Variants in GRIK3 observed in about 807,000 individuals in gnomAD.
GRIK3 encodes the protein glutamate ionotropic receptor kainate type subunit 3.
GRIK3 carries 29 observed loss-of-function variants against 102.5 expected under a neutral mutation model. The ratio of observed to expected loss-of-function variants is 0.28; its 90% CI spans 0.21 to 0.39. The LOEUF is 0.39. GRIK3 is among the 10% of genes least tolerant of loss of function. GRIK3 has a pLI of 1.00. For missense variants in GRIK3, 908 were observed against 1,252.4 expected (o/e 0.73, Z 4.15); for synonymous variants, 511 against 504.9 (o/e 1.01, Z -0.16).
intron 1 of GRIK3, among the ~76,000 whole-genome samples, chr1:36,913,007 C>T (rs754647012): frequency 7.9e-5 from 12 of 152,184 alleles, no homozygotes. Context: ...TCAAGCCCTC[C>T]GCTACCCCAG....
intron 1 of GRIK3, among the ~76,000 whole-genome samples, chr1:37,016,285 C>T (rs1326076793): frequency 4.6e-5 from 7 of 152,232 alleles, no homozygotes. Flanking sequence ...GTCTTAGTGA[C>T]ACCCATCACT....
chr1:36,940,488 G>T (rs1641707008), intron 1 of GRIK3, among the ~76,000 whole-genome samples: 1 of 152,204 alleles, frequency 6.6e-6, no homozygotes, highest in African/African-American at 2.4e-5. Context: ...CTTTACCCCA[G>T]ATTTGGATGG....
At chr1:36,854,803 G>A (rs1011850377) in intron 7 of GRIK3, among the ~76,000 whole-genome samples, 8 of 152,234 alleles carry the variant, frequency 5.3e-5, no homozygotes, top group South Asian at 2.1e-4. Context: ...TGTTCATGCC[G>A]TGCAACCTCC....
At chr1:36,932,954 C>T (rs376479898) in intron 1 of GRIK3, among the ~76,000 whole-genome samples, 5 of 152,204 alleles carry the variant, frequency 3.3e-5, no homozygotes, top group East Asian at 1.9e-4. Context: ...TCACTGCTAA[C>T]GCTAATAACC....
At chr1:36,814,635 A>G (rs1166624217) in intron 13 of GRIK3, among the ~76,000 whole-genome samples, 1 of 151,630 alleles carries the variant, frequency 6.6e-6, no homozygotes, top group African/African-American at 2.4e-5. Context: ...TGCACAGGCC[A>G]TTATACACAC....
intron 1 of GRIK3, among the ~76,000 whole-genome samples, chr1:36,966,307 T>C (rs543331747): frequency 1.3e-5 from 2 of 152,324 alleles, no homozygotes; most frequent in African/African-American, 2.4e-5. Flanking sequence ...ATCAGGCAAG[T>C]GTCAGACGGA....
chr1:36,960,692 C>T (rs1197017266), intron 1 of GRIK3, among the ~76,000 whole-genome samples: 1 of 152,216 alleles, frequency 6.6e-6, no homozygotes, highest in Non-Finnish European at 1.5e-5. Context: ...ACCTCCCAGA[C>T]TTCCGCTGCT....
intron 1 of GRIK3, among the ~76,000 whole-genome samples, chr1:36,915,710 C>A (rs547489722): frequency 1.3e-5 from 2 of 152,276 alleles, no homozygotes; most frequent in South Asian, 4.2e-4. Flanking sequence ...CCTGAACAAG[C>A]TCTCTTCTCT....
At chr1:36,836,987 C>A (rs567310761) in intron 10 of GRIK3, among the ~76,000 whole-genome samples, 28 of 152,036 alleles carry the variant, frequency 1.8e-4, no homozygotes, top group East Asian at 5.8e-4. Flanking sequence ...GACCCTCCCC[C>A]CCTTTCTAGT....
chr1:36,973,655 G>A (rs28363698), intron 1 of GRIK3, among the ~76,000 whole-genome samples: 19,387 of 150,254 alleles, frequency 0.13, 1,805 homozygotes, highest in African/African-American at 0.27. Context: ...TCTTGAACTC[G>A]TGACCTCAGG....
chr1:36,875,147 C>G (rs376440789), intron 3 of GRIK3, among the ~76,000 whole-genome samples: 2 of 152,202 alleles, frequency 1.3e-5, no homozygotes, highest in African/African-American at 2.4e-5. Context: ...TCCCAAGGAC[C>G]ACAGAGGTTA....
intron 1 of GRIK3, among the ~76,000 whole-genome samples, chr1:36,943,508 A>T (rs1318003205): frequency 6.6e-6 from 1 of 152,212 alleles, no homozygotes; most frequent in African/African-American, 2.4e-5. Context: ...GAGCTGAGCT[A>T]ATCAGGCACT....
intron 1 of GRIK3, among the ~76,000 whole-genome samples, chr1:36,994,164 T>C (rs950841496): frequency 2.0e-5 from 3 of 152,112 alleles, no homozygotes; most frequent in Non-Finnish European, 4.4e-5. Flanking sequence ...TAGATCAGGG[T>C]TACCCCCTTT....
chr1:36,984,330 C>T (rs1409148082), intron 1 of GRIK3, among the ~76,000 whole-genome samples: 1 of 152,256 alleles, frequency 6.6e-6, no homozygotes, highest in East Asian at 1.9e-4. Flanking sequence ...ACACTATCTC[C>T]TACCACATTC....
At chr1:36,817,038 A>C in intron 13 of GRIK3, 22 bp downstream of exon 13, 1 of 1,529,842 alleles carries the variant, frequency 6.5e-7, no homozygotes, top group South Asian at 1.1e-5. Context: ...ACGGTGCTGC[A>C]ATAGGAGGGA....
At chr1:36,960,792 T>C (rs503154) in intron 1 of GRIK3, among the ~76,000 whole-genome samples, 115,745 of 152,148 alleles carry the variant, frequency 0.76, 44,683 homozygotes, top group East Asian at 0.99. Context: ...GCCTGGTATA[T>C]CAGCATCCCT....
chr1:36,855,120 G>A (rs1017320737), intron 7 of GRIK3, among the ~76,000 whole-genome samples: 2 of 152,194 alleles, frequency 1.3e-5, no homozygotes, highest in Non-Finnish European at 2.9e-5. Context: ...GAGAAAATCT[G>A]GGAGCTCACA....
chr1:36,951,702 G>A (rs1641846122), intron 1 of GRIK3, among the ~76,000 whole-genome samples: 1 of 152,130 alleles, frequency 6.6e-6, no homozygotes, highest in Non-Finnish European at 1.5e-5. Flanking sequence ...GAAAATAATG[G>A]GGGAGAAAGA....
intron 7 of GRIK3, 102 bp downstream of exon 7, chr1:36,859,006 A>G: frequency 9.3e-7 from 1 of 1,076,530 alleles, no homozygotes; most frequent in Non-Finnish European, 1.3e-6. Context: ...CTGAGGTCAC[A>G]TGGATGAGAA....
Sources: gnomAD v4.1 joint callset for allele counts (sites outside exome capture counted in the v4.1 genomes callset) on GRCh38, gnomAD v4.1.1 for gene constraint, MANE v1.5 for transcripts, NCBI Gene and HGNC (gene_info 2026-07-23, HGNC 2026-07-21) for gene names.